SF3B1: variants seen among roughly 807,000 people sequenced by gnomAD.
SF3B1 encodes splicing factor 3b subunit 1.
In SF3B1, 12 loss-of-function variants were observed where a neutral mutation model predicts 153.8. The observed-to-expected ratio is 0.08, with a 90% CI of 0.05 to 0.13. The LOEUF (loss-of-function observed/expected upper bound fraction) is 0.13, where lower values mean the gene tolerates loss of function less well. Ranked by LOEUF, SF3B1 falls within the 10% of genes least tolerant of loss-of-function variation. The pLI is 1.00. For synonymous variants in SF3B1, 498 were observed against 525.2 expected, an observed-to-expected ratio of 0.95 and a Z score of 0.71; for missense variants, 513 against 1,606.1, an observed-to-expected ratio of 0.32 and a Z score of 11.63.
chr2:197,432,281 G>A (rs1345308633), intron 1 of SF3B1, among the ~76,000 whole-genome samples: 1 of 152,200 alleles, frequency 6.6e-6, no homozygotes, highest in East Asian at 1.9e-4. Context: ...GGCAAAACAA[G>A]CTGATATGTA....
chr2:197,420,942 C>A, intron 3 of SF3B1, 87 bp downstream of exon 3: 2 of 779,860 alleles, frequency 2.6e-6, no homozygotes, highest in South Asian at 3.4e-5. Context: ...ATCCTTAAAG[C>A]ATCCTAAAAT....
intron 23 of SF3B1, 55 bp downstream of exon 23, chr2:197,396,001 C>A: frequency 4.8e-6 from 7 of 1,458,010 alleles, no homozygotes; most frequent in Non-Finnish European, 6.6e-6. Flanking sequence ...TCACGATGTT[C>A]TAAAATGAAG....
intron 1 of SF3B1, among the ~76,000 whole-genome samples, chr2:197,424,969 A>G (rs1309063619): frequency 6.6e-6 from 1 of 150,792 alleles, no homozygotes; most frequent in East Asian, 2.0e-4. Flanking sequence ...AGACCAGCCT[A>G]GCCAAGATGG....
chr2:197,396,040 A>G lies in SF3B1; in HGVS notation c.3539+16T>C. Reference sequence around the variant, plus strand: ...GAGTTATAATTATTTTCTTGTATTTAGTTCAAGTCACTTACCTATCCATTA... The same window carrying G: ...GAGTTATAATTATTTTCTTGTATTTGGTTCAAGTCACTTACCTATCCATTA... On this transcript the variant is annotated intron_variant, in intron 23 of 24. Transcript: ENST00000335508. 6.3e-7 allele frequency: 1 copy of G among 1,581,318 alleles called. No individual in the cohort carries two copies. The highest frequency in any genetic ancestry group is 8.6e-7 in the Non-Finnish European group (1 of 1,156,496).
Position 197,397,999 on chromosome 2 carries a change from A to G in SF3B1, c.3252T>C (p.Ile1084=), listed in dbSNP as rs1341416331. ...RRATVNTFGY[I]AKAIGPHDVL... ...ATAACACTCACCCAATGGCCTTTGC[A>G]ATATAACCAAATGTGTTGACTGTGG... Residue 1084 remains isoleucine, a synonymous_variant, in exon 22 of 25, where the codon ATT becomes ATC. Transcript: ENST00000335508. The G allele has an allele frequency of 1.9e-6, 3 of 1,613,036 alleles. No homozygotes were observed. Among genetic ancestry groups the G allele is most frequent in the Non-Finnish European group, 2.5e-6 (3 of 1,179,416 alleles).
rs1327926622 is a variant in SF3B1, at chr2:197,402,395, T to A, written c.2077+161A>T. 2.8e-6 allele frequency: 2 copies of A among 714,632 alleles called. No individual in the cohort carries two copies. Among genetic ancestry groups the A allele is most frequent in the East Asian group, 5.4e-5 (2 of 37,002 alleles). The allele number at this position is 714,632 out of a possible 1,614,324, so 44.3% of individuals were successfully genotyped here. ...CCAAATTTTAGGACAGCTGTCCTAT[T>A]AAACATGGACAGGCTGTGTGTGTAC... On this transcript the variant is annotated intron_variant, in intron 14 of 24. Coordinates refer to ENST00000335508, the MANE Select transcript of SF3B1 (RefSeq NM_012433.4). The surrounding 1 kb of genome is among the most constrained non-coding windows in gnomAD (Gnocchi z 4.6).
In SF3B1 at chr2:197,393,548, G is replaced by A. The variant is rs369865375; in HGVS notation, c.3540-360C>T. On this transcript the variant is annotated intron_variant, in intron 23 of 24. Transcript: ENST00000335508. ...GCTCACTGCAACCTCTGCCTCCCAG[G>A]TTCAAGCAATTCGCCTGCCTCAGCC... Among the ~76,000 whole-genome samples the A allele has an allele frequency of 1.2e-3, 185 of 151,848 alleles. 5 individuals carry two copies. The South Asian group carries it at 0.03, about 25-fold the overall frequency.
chr2:197,398,223 A>G, intron 21 of SF3B1, 107 bp from the exon 22 acceptor site: 1 of 1,007,742 alleles, frequency 9.9e-7, no homozygotes, highest in Non-Finnish European at 1.5e-6. Context: ...TTAAGCATTA[A>G]ATAAAACTTA....
chr2:197,427,932 T>A (rs541708106), intron 1 of SF3B1, among the ~76,000 whole-genome samples: 1 of 152,080 alleles, frequency 6.6e-6, no homozygotes, highest in East Asian at 1.9e-4. Context: ...GTCAGAGAAT[T>A]GCTTGAACCC....
In SF3B1 at chr2:197,401,016, C is replaced by T. The variant is rs1391211615; in HGVS notation, c.2497-80G>A. 16 of 764,032 alleles carry T rather than the reference C, an allele frequency of 2.1e-5. No homozygotes were observed. Among genetic ancestry groups the T allele is most frequent in the Middle Eastern group, 4.8e-4 (2 of 4,192 alleles). The allele number at this position is 764,032 out of a possible 1,614,324, so 47.3% of individuals were successfully genotyped here. ...AGCAACATCATGAAAACCAAATACT[C>T]TAAATATACTACTTATTTAGCTAAT... is the stretch of plus-strand genomic sequence containing the variant. On this transcript the variant is annotated intron_variant, in intron 17 of 24. Coordinates refer to ENST00000335508, the MANE Select transcript of SF3B1 (RefSeq NM_012433.4). The surrounding 1 kb of genome is among the most constrained non-coding windows in gnomAD (Gnocchi z 4.2).
chr2:197,396,082 C>T lies in SF3B1; in HGVS notation c.3513G>A (p.Pro1171=), dbSNP rs1342839967. The T allele has an allele frequency of 5.6e-6, 9 of 1,612,980 alleles. No homozygotes were observed. The highest frequency in any genetic ancestry group is 3.3e-5 in the Admixed American group (2 of 59,978). Residue 1171 remains proline (P), a synonymous_variant, in exon 23 of 25, where the codon CCG becomes CCA. Transcript: ENST00000335508. ...TATCCATTAAAGCATCTTCAAGTAA[C>T]GGTGTTACGGCATAAATGTAGTCTT... ...MGKDYIYAVT[P]LLEDALMDRD... is the part of the protein sequence containing the mutation.
chr2:197,410,061 A>G (rs2085045218), intron 6 of SF3B1, 54 bp from the exon 7 acceptor site: 3 of 1,238,826 alleles, frequency 2.4e-6, no homozygotes, highest in Non-Finnish European at 3.4e-6. Context: ...ATAATTAGAA[A>G]ATTTCCATAA....
rs1025214143 is a variant in SF3B1 at position 197,408,702 on chromosome 2, G to A, written c.905-121C>T. On this transcript the variant is annotated intron_variant, in intron 7 of 24. Coordinates refer to ENST00000335508, the MANE Select transcript of SF3B1 (RefSeq NM_012433.4). ...TAAAATAGAATATTCCTAAAATGGT[G>A]ACCCATTTAAAGTTGTTTGAGACCA... is the stretch of plus-strand genomic sequence containing the variant. 1.1e-5 allele frequency: 8 copies of A among 729,284 alleles called. No individual in the cohort carries two copies. The African/African-American group carries it at 1.4e-4, about 13-fold the overall frequency. 45.2% of individuals were successfully genotyped at this position (729,284 alleles called of 1,614,324 possible).
chr2:197,435,035 C>G (rs1239486362), upstream of SF3B1: 1 of 1,614,204 alleles, frequency 6.2e-7, no homozygotes, highest in Non-Finnish European at 8.5e-7. Context: ...AACTGGCGCT[C>G]CCAAGAACTT....
intron 2 of SF3B1, among the ~76,000 whole-genome samples, chr2:197,422,057 C>T (rs142799021): frequency 1.4e-3 from 219 of 152,144 alleles, no homozygotes; most frequent in Non-Finnish European, 2.5e-3. Flanking sequence ...AAGTGCAACA[C>T]GGGGTAATTC....
intron 7 of SF3B1, 61 bp from the exon 8 acceptor site, chr2:197,408,642 A>T: frequency 4.6e-6 from 5 of 1,093,254 alleles, no homozygotes; most frequent in Non-Finnish European, 7.0e-6. Flanking sequence ...AATATTCTTT[A>T]TTCTCAAACA....
rs2084801290 is a variant in SF3B1, at chr2:197,390,695, C to A, written c.*1608G>T. 6.6e-6 allele frequency: 1 copy of A among 151,682 alleles called. No homozygotes were observed. Among genetic ancestry groups the A allele is most frequent in the Admixed American group, 6.6e-5 (1 of 15,210 alleles). 9.4% of individuals were successfully genotyped at this position (151,682 alleles called of 1,614,324 possible). ...TCTCGGCTCACTGCAAGCTCCGCCT[C>A]CCGGGTTCAAGCCATTCTCCTGCCT... On this transcript the variant is annotated 3_prime_UTR_variant, in exon 25 of 25. Transcript: ENST00000335508.
chr2:197,405,930 T>C (rs1328868763), intron 9 of SF3B1, among the ~76,000 whole-genome samples: 1 of 152,060 alleles, frequency 6.6e-6, no homozygotes, highest in East Asian at 1.9e-4. Context: ...TACAAAATCT[T>C]TTAAGTGTAA....
intron 6 of SF3B1, 82 bp from the exon 7 acceptor site, chr2:197,410,089 G>T (rs1020328851): frequency 1.0e-6 from 1 of 984,400 alleles, no homozygotes; most frequent in East Asian, 2.5e-5. Context: ...AACTTTAAAC[G>T]AAAAATGTTT....
Sources: allele counts gnomAD v4.1 joint callset (sites outside exome capture counted in the v4.1 genomes callset), GRCh38; gene constraint gnomAD v4.1.1; non-coding constraint Gnocchi (gnomAD v3.1); transcripts MANE v1.5; gene names NCBI Gene and HGNC (gene_info 2026-07-23, HGNC 2026-07-21).